Variants in ZC3HAV1 observed in about 807,000 individuals in gnomAD.
The protein encoded by ZC3HAV1 is zinc finger CCCH-type antiviral protein 1.
ZC3HAV1 carries 41 observed loss-of-function variants against 86.6 expected under a neutral mutation model. That is an observed-to-expected ratio of 0.47 (90% CI 0.37 to 0.61). The LOEUF is 0.61. Among genes scored for constraint, ZC3HAV1 ranks in the 20% least tolerant of loss-of-function variants. The pLI, the probability that ZC3HAV1 is intolerant of heterozygous loss-of-function variation, is 0.00. For synonymous variants in ZC3HAV1, 421 were observed against 432.1 expected (o/e 0.97, Z 0.32); for missense variants, 964 against 1,141.1 (o/e 0.84, Z 2.24).
At chr7:139,076,698 C>T (rs755075167) in intron 5 of ZC3HAV1, among the ~76,000 whole-genome samples, 3 of 152,038 alleles carry the variant, frequency 2.0e-5, no homozygotes, top group Non-Finnish European at 2.9e-5. Flanking sequence ...TCACAACCAG[C>T]CTAGCCAACA....
At chr7:139,056,442 ACT>A (rs1286316817) in intron 9 of ZC3HAV1, among the ~76,000 whole-genome samples, 2 of 115,996 alleles carry the variant, frequency 1.7e-5, no homozygotes, top group African/African-American at 3.4e-5. Context: ...AGACAGTCTC[ACT>A]CTGTTGCCCA....
intron 12 of ZC3HAV1, among the ~76,000 whole-genome samples, chr7:139,051,347 G>A (rs755490698): frequency 1.3e-5 from 2 of 151,586 alleles, no homozygotes; most frequent in African/African-American, 2.4e-5. Context: ...CGAAGCTGCC[G>A]CGCCTGACCT....
Position 139,079,696 on chromosome 7 carries a change from G to T in ZC3HAV1, c.1245C>A (p.Gly415=). The T allele has an allele frequency of 6.2e-7, 1 of 1,614,138 alleles. No homozygotes were observed. The highest frequency in any genetic ancestry group is 8.5e-7 in the Non-Finnish European group (1 of 1,180,018). The change falls in exon 4 of 13, where the codon GGC becomes GGA. Residue 415 remains glycine, a synonymous_variant. Transcript: ENST00000242351. ...GCTGGATGTCCTGAGTTCCACTTTTGCCATTGATGATCCTGTAGTCTGAGG... is the reference window on the plus strand; with the variant it reads ...GCTGGATGTCCTGAGTTCCACTTTTTCCATTGATGATCCTGTAGTCTGAGG... ...LLSSDYRIIN[G]KSGTQDIQPG...
intron 9 of ZC3HAV1, 72 bp downstream of exon 9, chr7:139,060,964 G>A (rs1022294037): frequency 8.7e-6 from 14 of 1,607,548 alleles, no homozygotes; most frequent in Admixed American, 1.7e-5. Flanking sequence ...CCAGATTCAC[G>A]AGTGACTTGA....
chr7:139,059,079 C>G (rs1403156936), intron 9 of ZC3HAV1, among the ~76,000 whole-genome samples: 1 of 152,136 alleles, frequency 6.6e-6, no homozygotes, highest in Non-Finnish European at 1.5e-5. Context: ...GACATCCTGC[C>G]AGAACGATTG....
rs141052036 is a variant in ZC3HAV1, at chr7:139,080,861, C to T, written c.698-618G>A. On this transcript the variant is annotated intron_variant, in intron 3 of 12. Transcript: ENST00000242351. ...ATTCGATTTTGCCCATATCGTGATACGGGTGTACCTGGCTATTGACAGATT... is the reference window on the plus strand; with the variant it reads ...ATTCGATTTTGCCCATATCGTGATATGGGTGTACCTGGCTATTGACAGATT... 4.9e-3 allele frequency among the ~76,000 whole-genome samples: 746 copies of T among 152,266 alleles called. 5 individuals carry two copies. Among genetic ancestry groups the T allele is most frequent in the African/African-American group, 0.016 (652 of 41,530 alleles).
intron 1 of ZC3HAV1, among the ~76,000 whole-genome samples, chr7:139,096,161 T>C (rs1290170029): frequency 6.6e-6 from 1 of 152,142 alleles, no homozygotes; most frequent in Non-Finnish European, 1.5e-5. Context: ...ATTATAGGCA[T>C]GCACCACCAC....
chr7:139,105,056 A>G (rs1047939809), intron 1 of ZC3HAV1, among the ~76,000 whole-genome samples: 39 of 151,280 alleles, frequency 2.6e-4, no homozygotes, highest in African/African-American at 9.2e-4. Context: ...AAAAAAAAGA[A>G]AAGAAAAGTT....
chr7:139,083,393 T>C (rs1406223557), intron 3 of ZC3HAV1, among the ~76,000 whole-genome samples: 2 of 152,118 alleles, frequency 1.3e-5, no homozygotes, highest in Non-Finnish European at 2.9e-5. Context: ...GTAGAGTGAT[T>C]ATGGCAGTTT....
intron 12 of ZC3HAV1, among the ~76,000 whole-genome samples, chr7:139,048,653 C>A (rs1011249043): frequency 7.9e-5 from 12 of 152,088 alleles, no homozygotes; most frequent in African/African-American, 2.9e-4. Context: ...GTTTTAAAGA[C>A]CATGAGTAGA....
chr7:139,088,825 G>A (rs368451314), intron 2 of ZC3HAV1, among the ~76,000 whole-genome samples: 8 of 152,246 alleles, frequency 5.3e-5, no homozygotes, highest in East Asian at 3.9e-4. Flanking sequence ...AAAACAGGCC[G>A]GGTATGGTGG....
chr7:139,076,079 G>A (rs1816932218), intron 6 of ZC3HAV1, among the ~76,000 whole-genome samples: 1 of 152,188 alleles, frequency 6.6e-6, no homozygotes, highest in South Asian at 2.1e-4. Flanking sequence ...GTATTAGCCA[G>A]GCTCAGTGTG....
intron 10 of ZC3HAV1, among the ~76,000 whole-genome samples, chr7:139,054,865 G>A (rs1816237536): frequency 6.6e-6 from 1 of 152,168 alleles, no homozygotes; most frequent in Non-Finnish European, 1.5e-5. Context: ...TCGGCTCGCT[G>A]CAACCTCCGC....
At chr7:139,057,005 C>G (rs1040883569) in intron 9 of ZC3HAV1, among the ~76,000 whole-genome samples, 33 of 152,116 alleles carry the variant, frequency 2.2e-4, no homozygotes, top group African/African-American at 7.5e-4. Flanking sequence ...AATATATATA[C>G]AGGGAAATGA....
At chr7:139,095,264 T>A (rs1817551511) in intron 1 of ZC3HAV1, among the ~76,000 whole-genome samples, 1 of 152,146 alleles carries the variant, frequency 6.6e-6, no homozygotes, top group South Asian at 2.1e-4. Context: ...CTACTCCCCA[T>A]ATTTGTACTT....
chr7:139,071,103 C>T (rs115541065), intron 7 of ZC3HAV1, among the ~76,000 whole-genome samples: 22 of 135,348 alleles, frequency 1.6e-4, no homozygotes, highest in African/African-American at 3.1e-4. Flanking sequence ...TTTCTGAAAC[C>T]TTTTTTTTTT....
In ZC3HAV1 at chr7:139,046,075, A is replaced by G. The variant is rs1192219798; in HGVS notation, c.*1519T>C. Reference sequence around the variant, plus strand: ...GAAATTATAACAGGAAACTTTGGTGACTGGTAAGGAATGTTGAAAAGGGAA... The same window carrying G: ...GAAATTATAACAGGAAACTTTGGTGGCTGGTAAGGAATGTTGAAAAGGGAA... On this transcript the variant is annotated 3_prime_UTR_variant, in exon 13 of 13. Coordinates refer to ENST00000242351, the MANE Select transcript of ZC3HAV1 (RefSeq NM_020119.4). 1 of 152,044 alleles carries G rather than the reference A, an allele frequency of 6.6e-6. No individual in the cohort carries two copies. The highest frequency in any genetic ancestry group is 1.5e-5 in the Non-Finnish European group (1 of 68,000). 9.4% of individuals were successfully genotyped at this position (152,044 alleles called of 1,614,324 possible).
chr7:139,077,628 C>T (rs1453491136), intron 5 of ZC3HAV1, among the ~76,000 whole-genome samples: 1 of 152,198 alleles, frequency 6.6e-6, no homozygotes, highest in Non-Finnish European at 1.5e-5. Context: ...ATCCCCCTTA[C>T]ATATTTGGCA....
chr7:139,082,876 T>G (rs569076504), intron 3 of ZC3HAV1, among the ~76,000 whole-genome samples: 16 of 98,240 alleles, frequency 1.6e-4, no homozygotes, highest in Admixed American at 2.0e-4. Context: ...AAAATATTGG[T>G]TTTTTTTTAA....
Sources: allele counts gnomAD v4.1 joint callset (sites outside exome capture counted in the v4.1 genomes callset), GRCh38; gene constraint gnomAD v4.1.1; transcripts MANE v1.5; gene names NCBI Gene and HGNC (gene_info 2026-07-23, HGNC 2026-07-21).